The following PREX1 variants were observed in gnomAD, a reference collection of about 807,000 sequenced individuals.
PREX1 encodes phosphatidylinositol 3,4,5-trisphosphate-dependent Rac exchanger 1 protein.
Under a neutral mutation model 198.3 loss-of-function variants are expected in PREX1, and 41 were observed. That is an observed-to-expected ratio of 0.21 (90% CI 0.16 to 0.27). The LOEUF (loss-of-function observed/expected upper bound fraction) is 0.27. Ranked by LOEUF, PREX1 falls within the 10% of genes least tolerant of loss-of-function variation. PREX1 has a pLI of 1.00. For missense variants in PREX1, 1,620 were observed against 2,200.7 expected (o/e 0.74, Z 5.28); for synonymous variants, 843 against 887.2 (o/e 0.95, Z 0.89).
At chr20:48,752,286 C>T (rs572153501) in intron 1 of PREX1, among the ~76,000 whole-genome samples, 71 of 152,330 alleles carry the variant, frequency 4.7e-4, no homozygotes, top group African/African-American at 1.6e-3. Context: ...CTGTGTGCAT[C>T]TATAAGCAAG....
At chr20:48,646,953 T>A (rs781352862) in intron 25 of PREX1, among the ~76,000 whole-genome samples, 4 of 152,198 alleles carry the variant, frequency 2.6e-5, no homozygotes, top group Non-Finnish European at 5.9e-5. Flanking sequence ...TTAAAATGTG[T>A]AAACAGGCTA....
chr20:48,885,885 A>T, the PREX1 span, among the ~76,000 whole-genome samples: 2 of 152,334 alleles, frequency 1.3e-5, no homozygotes, highest in East Asian at 3.9e-4. Flanking sequence ...TAAAAAGATT[A>T]GTAGTTGCCA....
chr20:48,676,087 T>C, intron 14 of PREX1, 106 bp downstream of exon 14: 2 of 1,156,314 alleles, frequency 1.7e-6, no homozygotes, highest in South Asian at 1.2e-5. Context: ...TCTGTGCAGT[T>C]TGCCACAATT....
In PREX1 at chr20:48,653,553, T is replaced by C; in HGVS notation, c.2210-56A>G. 5.7e-6 allele frequency: 9 copies of C among 1,572,958 alleles called. No individual in the cohort carries two copies. In the South Asian group the frequency reaches 8.9e-5, roughly 16 times the overall value. On this transcript the variant is annotated intron_variant, in intron 19 of 39. Transcript: ENST00000371941. ...TGCCAGGCAAGTACAAGCAGCCCGCTGAACACTGTCCCCCACCACCCACCA... is the reference window on the plus strand; with the variant it reads ...TGCCAGGCAAGTACAAGCAGCCCGCCGAACACTGTCCCCCACCACCCACCA...
At chr20:48,726,839 A>G (rs2122702273) in intron 4 of PREX1, among the ~76,000 whole-genome samples, 1 of 152,288 alleles carries the variant, frequency 6.6e-6, no homozygotes, top group Non-Finnish European at 1.5e-5. Context: ...CTAAATATCC[A>G]TCACCTGAGA....
chr20:48,846,501 C>T, the PREX1 span, among the ~76,000 whole-genome samples: 1 of 152,134 alleles, frequency 6.6e-6, no homozygotes, highest in African/African-American at 2.4e-5. Context: ...TCTCACACAA[C>T]CACTCCCCTT....
chr20:48,786,041 G>A (rs2090310690), intron 1 of PREX1, among the ~76,000 whole-genome samples: 1 of 152,196 alleles, frequency 6.6e-6, no homozygotes. Context: ...GCGGGCTCAT[G>A]GATCACAGCA....
At chr20:48,647,590 TAG>T (rs2089461084) in intron 25 of PREX1, among the ~76,000 whole-genome samples, 2 of 150,374 alleles carry the variant, frequency 1.3e-5, no homozygotes, top group South Asian at 4.2e-4. Flanking sequence ...TACGCCCAGC[TAG>T]ATGCAATCCC....
chr20:48,637,858 C>T, intron 30 of PREX1, 106 bp from the exon 31 acceptor site: 1 of 968,324 alleles, frequency 1.0e-6, no homozygotes, highest in Non-Finnish European at 1.6e-6. Flanking sequence ...GTGCTCTGAC[C>T]CTTCACAGCA....
chr20:48,798,031 T>C lies in PREX1; in HGVS notation c.219+29611A>G, dbSNP rs138054742. On this transcript the variant is annotated intron_variant, in intron 1 of 39. Coordinates refer to ENST00000371941, the MANE Select transcript of PREX1 (RefSeq NM_020820.4). ...CGACGCTGAGCTCATCTGTAACCTT[T>C]AAGGGTTGGGAAGAAGTCACGTAAG... Among the ~76,000 whole-genome samples, 165 of 152,300 alleles carry C rather than the reference T, an allele frequency of 1.1e-3. 3 individuals carry two copies. The South Asian group carries it at 0.02, about 18-fold the overall frequency.
At chr20:48,690,645 G>A (rs530539270) in intron 9 of PREX1, among the ~76,000 whole-genome samples, 2 of 152,266 alleles carry the variant, frequency 1.3e-5, no homozygotes, top group South Asian at 2.1e-4. Context: ...AACCTCAGGC[G>A]GAGGGCACAG....
intron 30 of PREX1, 104 bp downstream of exon 30, chr20:48,639,662 A>T: frequency 1.3e-6 from 2 of 1,503,962 alleles, no homozygotes; most frequent in South Asian, 1.3e-5. Flanking sequence ...CTGGTCATGG[A>T]GAAACAGGGG....
chr20:48,732,659 T>C (rs2090039354), intron 4 of PREX1, among the ~76,000 whole-genome samples: 1 of 152,184 alleles, frequency 6.6e-6, no homozygotes, highest in South Asian at 2.1e-4. Context: ...GGCTATGCAG[T>C]GTCCCCTAAT....
At chr20:48,858,436 T>A in the PREX1 span, among the ~76,000 whole-genome samples, 1 of 152,216 alleles carries the variant, frequency 6.6e-6, no homozygotes, top group Non-Finnish European at 1.5e-5. Context: ...TGAATTTGCA[T>A]CTGCCCCCAA....
intron 3 of PREX1, among the ~76,000 whole-genome samples, chr20:48,738,540 G>A (rs182546648): frequency 6.6e-6 from 1 of 152,342 alleles, no homozygotes; most frequent in Admixed American, 6.5e-5. Context: ...CGGAAACGCT[G>A]CTCTTGACAG....
chr20:48,703,529 A>G (rs1243274356), intron 6 of PREX1, among the ~76,000 whole-genome samples: 1 of 152,234 alleles, frequency 6.6e-6, no homozygotes, highest in Non-Finnish European at 1.5e-5. Flanking sequence ...CACACGGCAG[A>G]CAACCGGTTC....
chr20:48,814,461 G>T (rs2090450806), intron 1 of PREX1, among the ~76,000 whole-genome samples: 1 of 152,174 alleles, frequency 6.6e-6, no homozygotes, highest in Admixed American at 6.5e-5. Context: ...GAGAAAGGGG[G>T]GTCCTTGGTA....
Position 48,722,967 on chromosome 20 carries a change from C to A in PREX1, c.621+3323G>T, listed in dbSNP as rs1378461316. Among the ~76,000 whole-genome samples, 4 of 152,354 alleles carry A rather than the reference C, an allele frequency of 2.6e-5. No homozygotes were observed. In the South Asian group the frequency reaches 8.3e-4, roughly 32 times the overall value. ...CCCCCACCGGCACCAGCCAGCTGTG[C>A]ACCAGGGGCATTACCCCAAACCTGA... On this transcript the variant is annotated intron_variant, in intron 5 of 39. Coordinates refer to ENST00000371941, the MANE Select transcript of PREX1 (RefSeq NM_020820.4).
chr20:48,645,960 C>T lies in PREX1; in HGVS notation c.3403G>A (p.Glu1135Lys), dbSNP rs2089447840. ...SSLPLVSEES[E>K]MDRSDHGGIK... ...CCCCCATGGTCACTCCTGTCCATCT[C>T]GCTCTCTTCACTGACCAGGGGCAGG... Residue 1135 changes from glutamate to lysine, a missense_variant, in exon 26 of 40, where the codon GAG (glutamate) becomes AAG (lysine). By Grantham distance (56) the Glu-to-Lys change is moderately conservative (BLOSUM62 1). Transcript: ENST00000371941. 5.6e-6 allele frequency: 9 copies of T among 1,614,238 alleles called. No individual in the cohort carries two copies. Among genetic ancestry groups the T allele is most frequent in the South Asian group, 1.1e-5 (1 of 91,090 alleles).
Sources: allele counts gnomAD v4.1 joint callset (sites outside exome capture counted in the v4.1 genomes callset), GRCh38; gene constraint gnomAD v4.1.1; transcripts MANE v1.5; gene names NCBI Gene and HGNC (gene_info 2026-07-23, HGNC 2026-07-21).